Variants in LMX1A observed in about 807,000 individuals in gnomAD.
The protein encoded by LMX1A is LIM homeobox transcription factor 1-alpha.
Under a neutral mutation model 49.1 loss-of-function variants are expected in LMX1A, and 15 were observed. That is an observed-to-expected ratio of 0.31 (90% CI 0.20 to 0.47). The LOEUF (loss-of-function observed/expected upper bound fraction) is 0.47. LMX1A is among the 20% of genes least tolerant of loss of function. The probability of loss-of-function intolerance (pLI) is 1.00; values close to 1 mark genes in which losing one functional copy is unlikely to be tolerated. For missense variants in LMX1A, 372 were observed against 475.8 expected, an observed-to-expected ratio of 0.78 and a Z score of 2.03; for synonymous variants, 167 against 185.7, an observed-to-expected ratio of 0.90 and a Z score of 0.82.
chr1:165,353,608 G>A (rs1464187305), intron 2 of LMX1A, among the ~76,000 whole-genome samples: 2 of 152,236 alleles, frequency 1.3e-5, no homozygotes, highest in African/African-American at 4.8e-5. Flanking sequence ...TTATTACGTC[G>A]TAATTAATTA....
At chr1:165,217,819 T>C (rs1651698645) in intron 4 of LMX1A, among the ~76,000 whole-genome samples, 1 of 152,242 alleles carries the variant, frequency 6.6e-6, no homozygotes, top group Non-Finnish European at 1.5e-5. Context: ...TTTCTGTTGC[T>C]TTTGTGGTGC....
chr1:165,292,079 A>C (rs1055413631), intron 3 of LMX1A, among the ~76,000 whole-genome samples: 17 of 151,694 alleles, frequency 1.1e-4, no homozygotes, highest in African/African-American at 4.1e-4. Context: ...AAAAAAAAAA[A>C]AAAAAACAAT....
intron 4 of LMX1A, among the ~76,000 whole-genome samples, chr1:165,226,645 T>G (rs190647815): frequency 6.6e-6 from 1 of 152,280 alleles, no homozygotes; most frequent in African/African-American, 2.4e-5. Context: ...GGTAAAGAGG[T>G]GCTGAGCTTA....
intron 3 of LMX1A, among the ~76,000 whole-genome samples, chr1:165,301,957 G>C (rs767577746): frequency 3.9e-5 from 6 of 152,026 alleles, no homozygotes; most frequent in Admixed American, 3.3e-4. Context: ...GAGTACAAAG[G>C]GATCTTCAAA....
chr1:165,217,507 A>G (rs12068601), intron 4 of LMX1A, among the ~76,000 whole-genome samples: 16,383 of 152,266 alleles, frequency 0.11, 917 homozygotes, highest in South Asian at 0.17. Flanking sequence ...AGAGAAAAAC[A>G]TATTTGTTTT....
At chr1:165,289,278 C>T (rs1440852011) in intron 3 of LMX1A, among the ~76,000 whole-genome samples, 27 of 151,292 alleles carry the variant, frequency 1.8e-4, no homozygotes, top group Non-Finnish European at 4.0e-4. Context: ...GAGCCAGTTG[C>T]CTGGATATTC....
At chr1:165,257,429 A>T (rs553941807) in intron 3 of LMX1A, among the ~76,000 whole-genome samples, 1 of 135,524 alleles carries the variant, frequency 7.4e-6, no homozygotes, top group African/African-American at 2.8e-5. Flanking sequence ...AGGTAGGTGA[A>T]AGGCAGGAGT....
At chr1:165,251,766 T>C (rs1286814005) in intron 3 of LMX1A, among the ~76,000 whole-genome samples, 7 of 152,170 alleles carry the variant, frequency 4.6e-5, no homozygotes, top group Non-Finnish European at 1.0e-4. Context: ...CATCTTCTCC[T>C]TGAATCCTGC....
intron 4 of LMX1A, among the ~76,000 whole-genome samples, chr1:165,241,747 T>A (rs2102629969): frequency 6.6e-6 from 1 of 152,298 alleles, no homozygotes; most frequent in African/African-American, 2.4e-5. Flanking sequence ...CTAGTCTAAT[T>A]TATTGGAGAA....
chr1:165,254,802 C>G (rs1024013663), intron 3 of LMX1A, among the ~76,000 whole-genome samples: 1 of 152,304 alleles, frequency 6.6e-6, no homozygotes, highest in East Asian at 1.9e-4. Context: ...CTGGCTGTGC[C>G]CTGGCAAGCT....
chr1:165,270,559 C>T (rs1017416559), intron 3 of LMX1A, among the ~76,000 whole-genome samples: 5 of 152,272 alleles, frequency 3.3e-5, no homozygotes, highest in African/African-American at 1.2e-4. Flanking sequence ...GTGTGTCAAA[C>T]AGTTAGAAAA....
chr1:165,336,602 A>T lies in LMX1A; in HGVS notation c.263+16474T>A, dbSNP rs528198752. The stretch of plus-strand genomic sequence containing the variant: ...CCCTACTCCATAAGCCTCTTTAACA[A>T]ATTTGCTAATTATTTACCCCTACTC... On this transcript the variant is annotated intron_variant, in intron 3 of 8. Coordinates refer to ENST00000342310, the MANE Select transcript of LMX1A (RefSeq NM_177398.4). Among the ~76,000 whole-genome samples, 266 of 152,236 alleles carry T rather than the reference A, an allele frequency of 1.7e-3. 2 individuals are homozygous for T. The highest frequency in any genetic ancestry group is 2.8e-3 in the Non-Finnish European group (188 of 68,002).
chr1:165,259,474 A>G (rs1653359172), intron 3 of LMX1A, among the ~76,000 whole-genome samples: 1 of 152,088 alleles, frequency 6.6e-6, no homozygotes, highest in Admixed American at 6.5e-5. Context: ...AAAACAGACC[A>G]TTTCCCCACA....
intron 4 of LMX1A, among the ~76,000 whole-genome samples, chr1:165,238,799 C>T (rs546304331): frequency 1.1e-4 from 17 of 152,174 alleles, no homozygotes; most frequent in Non-Finnish European, 1.8e-4. Flanking sequence ...TTTTAAATGA[C>T]CAGGCAACAC....
intron 3 of LMX1A, among the ~76,000 whole-genome samples, chr1:165,320,232 T>C (rs995925546): frequency 6.6e-6 from 1 of 152,188 alleles, no homozygotes; most frequent in Non-Finnish European, 1.5e-5. Flanking sequence ...CTGATAAATA[T>C]CTCATAACCT....
chr1:165,221,802 G>A (rs1329690421), intron 4 of LMX1A, among the ~76,000 whole-genome samples: 1 of 152,140 alleles, frequency 6.6e-6, no homozygotes, highest in African/African-American at 2.4e-5. Context: ...AAACAGGACA[G>A]TATTGGGACT....
At chr1:165,277,717 C>T (rs1365568910) in intron 3 of LMX1A, among the ~76,000 whole-genome samples, 2 of 152,140 alleles carry the variant, frequency 1.3e-5, no homozygotes, top group Non-Finnish European at 2.9e-5. Context: ...CCAGCCTCAA[C>T]TCCTACAGCT....
chr1:165,270,691 C>T (rs1653767353), intron 3 of LMX1A, among the ~76,000 whole-genome samples: 1 of 152,146 alleles, frequency 6.6e-6, no homozygotes, highest in African/African-American at 2.4e-5. Flanking sequence ...TGAGTGCTGA[C>T]TTCAGTCTCT....
chr1:165,263,696 T>G (rs2101688422), intron 3 of LMX1A, among the ~76,000 whole-genome samples: 1 of 152,322 alleles, frequency 6.6e-6, no homozygotes, highest in Middle Eastern at 3.4e-3. Context: ...ATGCCCCTCA[T>G]CTGTGATTTA....
Sources: gnomAD v4.1 joint callset for allele counts (sites outside exome capture counted in the v4.1 genomes callset) on GRCh38, gnomAD v4.1.1 for gene constraint, MANE v1.5 for transcripts, NCBI Gene and HGNC (gene_info 2026-07-23, HGNC 2026-07-21) for gene names.